The following DPP10 variants were observed in gnomAD, a reference collection of about 807,000 sequenced individuals.
The protein encoded by DPP10 is dipeptidyl peptidase like 10, also known as inactive dipeptidyl peptidase 10.
A neutral mutation model predicts 120.9 loss-of-function variants in DPP10; 33 were observed. The ratio of observed to expected loss-of-function variants is 0.27; its 90% CI spans 0.21 to 0.37. DPP10 has a LOEUF of 0.37. Ranked by LOEUF, DPP10 falls within the 10% of genes least tolerant of loss-of-function variation. The pLI, the probability that DPP10 is intolerant of heterozygous loss-of-function variation, is 1.00. For synonymous variants in DPP10, 337 were observed against 326.1 expected (o/e 1.03, Z -0.36); for missense variants, 816 against 942.8 (o/e 0.87, Z 1.76).
intron 3 of DPP10, among the ~76,000 whole-genome samples, chr2:115,375,886 C>T (rs1241313340): frequency 6.6e-6 from 1 of 152,198 alleles, no homozygotes; most frequent in African/African-American, 2.4e-5. Context: ...ATCCAGTCAC[C>T]TCCCATCAGA....
intron 1 of DPP10, among the ~76,000 whole-genome samples, chr2:114,488,599 A>G (rs1681717049): frequency 6.6e-6 from 1 of 152,206 alleles, no homozygotes; most frequent in Non-Finnish European, 1.5e-5. Flanking sequence ...TGCATTGTGA[A>G]TCTCTGAGCG....
chr2:115,282,102 A>G (rs2060181387), intron 1 of DPP10, among the ~76,000 whole-genome samples: 1 of 152,106 alleles, frequency 6.6e-6, no homozygotes, highest in African/African-American at 2.4e-5. Flanking sequence ...AAGTACGTAG[A>G]AACAAGCAAT....
chr2:115,669,529 T>A (rs1031581088), intron 5 of DPP10, among the ~76,000 whole-genome samples: 1 of 152,198 alleles, frequency 6.6e-6, no homozygotes, highest in Non-Finnish European at 1.5e-5. Context: ...CAGGTAGTTC[T>A]AGCTCCCATT....
intron 2 of DPP10, among the ~76,000 whole-genome samples, chr2:115,342,763 A>G (rs2063512853): frequency 6.6e-6 from 1 of 152,190 alleles, no homozygotes; most frequent in African/African-American, 2.4e-5. Flanking sequence ...TAAAATTATA[A>G]TCAAACAATA....
At chr2:115,361,633 A>T (rs2106354023) in intron 3 of DPP10, among the ~76,000 whole-genome samples, 1 of 152,182 alleles carries the variant, frequency 6.6e-6, no homozygotes, top group African/African-American at 2.4e-5. Flanking sequence ...GGGTCACAGG[A>T]TCTCTCATAG....
At chr2:115,378,274 T>A (rs1220595891) in intron 3 of DPP10, among the ~76,000 whole-genome samples, 1 of 151,032 alleles carries the variant, frequency 6.6e-6, no homozygotes. Context: ...TTCACATCCC[T>A]TGTAAGTTGG....
chr2:115,012,092 G>A (rs1702305796), intron 1 of DPP10, among the ~76,000 whole-genome samples: 1 of 152,044 alleles, frequency 6.6e-6, no homozygotes. Context: ...CCATTGGACT[G>A]AGAACCACAC....
intron 5 of DPP10, among the ~76,000 whole-genome samples, chr2:115,586,313 C>T (rs1005238076): frequency 1.1e-4 from 16 of 151,864 alleles, no homozygotes; most frequent in African/African-American, 3.6e-4. Context: ...GGCAACAGAG[C>T]GAGACTCTAT....
chr2:114,513,487 C>G (rs1262531266), intron 1 of DPP10, among the ~76,000 whole-genome samples: 2 of 136,506 alleles, frequency 1.5e-5, no homozygotes, highest in African/African-American at 2.8e-5. Flanking sequence ...CACCACTGCA[C>G]TCCAGCCTGG....
intron 1 of DPP10, among the ~76,000 whole-genome samples, chr2:114,521,813 T>C (rs1204697576): frequency 2.0e-5 from 3 of 146,764 alleles, no homozygotes; most frequent in Non-Finnish European, 3.0e-5. Flanking sequence ...GGTTTTTTTT[T>C]TTTTTTTTTT....
intron 1 of DPP10, among the ~76,000 whole-genome samples, chr2:114,961,895 C>T (rs1391611961): frequency 1.3e-5 from 2 of 151,828 alleles, no homozygotes; most frequent in Non-Finnish European, 2.9e-5. Context: ...CAAAGGTTGC[C>T]GTTAGCTGAG....
rs148003412 is a variant in DPP10, at chr2:115,600,626, A to G, written c.441+74654A>G. ...TAGCTCATTCACATTTAATTATCTTAAGAATAGGCCACTTGTAACATTAAT... is the reference window on the plus strand; with the variant it reads ...TAGCTCATTCACATTTAATTATCTTGAGAATAGGCCACTTGTAACATTAAT... On this transcript the variant is annotated intron_variant, in intron 5 of 25. Coordinates refer to ENST00000410059, the MANE Select transcript of DPP10 (RefSeq NM_020868.6). 2.0e-4 allele frequency among the ~76,000 whole-genome samples: 31 copies of G among 152,352 alleles called. 1 individual carries two copies. In the East Asian group the frequency reaches 5.2e-3, roughly 26 times the overall value.
chr2:115,576,272 A>AATT (rs1462338944), intron 5 of DPP10, among the ~76,000 whole-genome samples: 2 of 152,218 alleles, frequency 1.3e-5, no homozygotes, highest in African/African-American at 4.8e-5. Context: ...AATAAATGGA[A>AATT]ATTTCAACAA....
At chr2:115,495,901 A>G (rs1483477020) in intron 3 of DPP10, among the ~76,000 whole-genome samples, 1 of 152,166 alleles carries the variant, frequency 6.6e-6, no homozygotes, top group African/African-American at 2.4e-5. Context: ...AGATATGCAT[A>G]GTGCCATGCT....
At chr2:115,629,216 T>C (rs1185014233) in intron 5 of DPP10, among the ~76,000 whole-genome samples, 1 of 152,202 alleles carries the variant, frequency 6.6e-6, no homozygotes, top group African/African-American at 2.4e-5. Context: ...AGTCTATCAT[T>C]GGTGGACATT....
chr2:114,692,222 TGC>T (rs1388361276), intron 1 of DPP10, among the ~76,000 whole-genome samples: 1 of 152,076 alleles, frequency 6.6e-6, no homozygotes, highest in Non-Finnish European at 1.5e-5. Flanking sequence ...GGGCATTTAG[TGC>T]TATTAAGTTC....
intron 5 of DPP10, among the ~76,000 whole-genome samples, chr2:115,678,704 A>G (rs917288487): frequency 6.6e-6 from 1 of 152,214 alleles, no homozygotes; most frequent in African/African-American, 2.4e-5. Context: ...CCAGAATGTT[A>G]CATCCACTGA....
At position 115,149,902 on chromosome 2, in the gene DPP10, C is replaced by T. The variant is rs148350880; in HGVS notation, c.61-159337C>T. Among the ~76,000 whole-genome samples, 128 of 152,280 alleles carry T rather than the reference C, an allele frequency of 8.4e-4. 5 individuals are homozygous for T. The highest frequency in any genetic ancestry group is 2.8e-3 in the African/African-American group (118 of 41,556). ...ATTTGACAATTAATTTATACTAGGT[C>T]AGTCATTATTTTTAGACCGAGTTAA... On this transcript the variant is annotated intron_variant, in intron 1 of 25. Transcript: ENST00000410059.
At chr2:115,279,655 C>CTTTTTTTTTTTTTTTTTTTTT (rs70941039) in intron 1 of DPP10, among the ~76,000 whole-genome samples, 16 of 42,712 alleles carry the variant, frequency 3.7e-4, no homozygotes, top group African/African-American at 1.1e-3. Flanking sequence ...TTTTCTTCTT[C>CTTTTTTTTTTTTTTTTTTTTT]TTTTTTTTTT....
Sources: allele counts gnomAD v4.1 joint callset (sites outside exome capture counted in the v4.1 genomes callset), GRCh38; gene constraint gnomAD v4.1.1; transcripts MANE v1.5; gene names NCBI Gene and HGNC (gene_info 2026-07-23, HGNC 2026-07-21).